XPR1: variants seen among roughly 807,000 people sequenced by gnomAD.
XPR1 encodes solute carrier family 53 member 1.
A neutral mutation model predicts 87.5 loss-of-function variants in XPR1; 28 were observed. That is an observed-to-expected ratio of 0.32 (90% confidence interval 0.24 to 0.44). XPR1 has a LOEUF of 0.44. Ranked by LOEUF, XPR1 falls within the 20% of genes least tolerant of loss-of-function variation. XPR1 has a pLI of 1.00. For synonymous variants in XPR1, 300 were observed against 306.1 expected, an observed-to-expected ratio of 0.98 and a Z score of 0.21; for missense variants, 559 against 862.3, an observed-to-expected ratio of 0.65 and a Z score of 4.41.
intron 12 of XPR1, among the ~76,000 whole-genome samples, chr1:180,866,515 T>C (rs1008532365): frequency 6.9e-6 from 1 of 145,830 alleles, no homozygotes; most frequent in African/African-American, 2.6e-5. Flanking sequence ...TCCACATTTT[T>C]GGTGACACCA....
At chr1:180,825,501 T>C (rs1650797963) in intron 9 of XPR1, among the ~76,000 whole-genome samples, 157 bp downstream of exon 9, 1 of 152,220 alleles carries the variant, frequency 6.6e-6, no homozygotes, top group Admixed American at 6.5e-5. Flanking sequence ...TACTCACGTA[T>C]ATTTTCCTCC....
intron 7 of XPR1, among the ~76,000 whole-genome samples, chr1:180,823,893 A>G (rs1019185851): frequency 2.0e-5 from 3 of 152,350 alleles, no homozygotes; most frequent in Admixed American, 2.0e-4. Flanking sequence ...CAATTATTCT[A>G]TGTAAAAATA....
chr1:180,665,295 C>T lies in XPR1; in HGVS notation c.70-17065C>T, dbSNP rs375854839. Among the ~76,000 whole-genome samples the T allele has an allele frequency of 3.9e-5, 6 of 152,328 alleles. No individual in the cohort carries two copies. In the East Asian group the frequency reaches 7.7e-4, roughly 20 times the overall value. On this transcript the variant is annotated intron_variant, in intron 1 of 14. Coordinates refer to ENST00000367590, the MANE Select transcript of XPR1 (RefSeq NM_004736.4). ...AAAACCGCCGCCGTGATCCAAGTAC[C>T]TCCACCTGGTCCCACCCTTGACATT...
At chr1:180,685,229 A>G (rs1656723122) in intron 2 of XPR1, among the ~76,000 whole-genome samples, 1 of 152,188 alleles carries the variant, frequency 6.6e-6, no homozygotes, top group Non-Finnish European at 1.5e-5. Context: ...CCTTTTCTGC[A>G]TCTATTGAGA....
chr1:180,861,660 G>T (rs1471367217), intron 11 of XPR1, among the ~76,000 whole-genome samples: 1 of 152,038 alleles, frequency 6.6e-6, no homozygotes, highest in Non-Finnish European at 1.5e-5. Context: ...GGCTATTCAT[G>T]AGAATCACAT....
At chr1:180,634,960 T>C (rs1211491553) in intron 1 of XPR1, among the ~76,000 whole-genome samples, 2 of 152,124 alleles carry the variant, frequency 1.3e-5, no homozygotes, top group Non-Finnish European at 2.9e-5. Flanking sequence ...AAAGTAAGTA[T>C]ATAGGGCCAG....
Position 180,693,723 on chromosome 1 carries a change from G to A in XPR1, c.121+11312G>A, listed in dbSNP as rs530959420. ...TTGGCTTGTGGCCACTCCAATCCGT[G>A]CCTCTTTACCTTGTCCTTTGTCTGT... On this transcript the variant is annotated intron_variant, in intron 2 of 14. Transcript: ENST00000367590. Among the ~76,000 whole-genome samples, 3 of 152,198 alleles carry A rather than the reference G, an allele frequency of 2.0e-5. No homozygotes were observed. In the East Asian group the frequency reaches 5.8e-4, roughly 29 times the overall value.
intron 2 of XPR1, among the ~76,000 whole-genome samples, chr1:180,769,859 C>A (rs1203126953): frequency 6.6e-6 from 1 of 152,126 alleles, no homozygotes; most frequent in Non-Finnish European, 1.5e-5. Context: ...CCAAACTGTT[C>A]TCCGTAGTGG....
intron 1 of XPR1, among the ~76,000 whole-genome samples, chr1:180,665,287 C>T (rs1655920165): frequency 6.6e-6 from 1 of 152,196 alleles, no homozygotes; most frequent in African/African-American, 2.4e-5. Flanking sequence ...CCGCCGTGAT[C>T]CAAGTACCTC....
intron 2 of XPR1, among the ~76,000 whole-genome samples, chr1:180,721,574 G>T (rs1010375852): frequency 8.5e-5 from 13 of 152,192 alleles, no homozygotes; most frequent in African/African-American, 3.1e-4. Flanking sequence ...CCTACTATAT[G>T]TAAAACATGT....
At chr1:180,677,777 C>T (rs1315648372) in intron 1 of XPR1, among the ~76,000 whole-genome samples, 2 of 152,148 alleles carry the variant, frequency 1.3e-5, no homozygotes, top group African/African-American at 4.8e-5. Context: ...CTATAAACTA[C>T]GTTCCTCCCA....
intron 2 of XPR1, among the ~76,000 whole-genome samples, chr1:180,757,915 G>A (rs1243973417): frequency 6.7e-6 from 1 of 148,252 alleles, no homozygotes; most frequent in East Asian, 2.0e-4. Context: ...ATACCCCTAT[G>A]GGTTATAGTG....
intron 3 of XPR1, among the ~76,000 whole-genome samples, chr1:180,798,199 G>C (rs1483251124): frequency 1.3e-5 from 2 of 151,810 alleles, no homozygotes; most frequent in Non-Finnish European, 2.9e-5. Context: ...GTAAAGGAGA[G>C]CATGAAAACC....
chr1:180,815,317 T>C (rs1229573281), intron 7 of XPR1, among the ~76,000 whole-genome samples: 3 of 152,224 alleles, frequency 2.0e-5, no homozygotes, highest in African/African-American at 7.2e-5. Context: ...ATGTGTGCTG[T>C]GTATGCATTT....
At chr1:180,856,455 T>A (rs1248030759) in intron 11 of XPR1, among the ~76,000 whole-genome samples, 1 of 152,234 alleles carries the variant, frequency 6.6e-6, no homozygotes, top group African/African-American at 2.4e-5. Flanking sequence ...ACTGTCTGTG[T>A]GACTCCCCAG....
At chr1:180,687,188 G>C (rs1319599470) in intron 2 of XPR1, among the ~76,000 whole-genome samples, 2 of 151,984 alleles carry the variant, frequency 1.3e-5, no homozygotes, top group Non-Finnish European at 2.9e-5. Flanking sequence ...TATTCTGTTT[G>C]TAACAAAGAT....
intron 2 of XPR1, among the ~76,000 whole-genome samples, chr1:180,767,222 A>G (rs1266301288): frequency 1.3e-5 from 2 of 152,226 alleles, no homozygotes; most frequent in Non-Finnish European, 2.9e-5. Context: ...GCTTAAAAGC[A>G]ATATAATCAG....
intron 2 of XPR1, among the ~76,000 whole-genome samples, chr1:180,717,070 A>T (rs761692831): frequency 2.0e-5 from 3 of 152,082 alleles, no homozygotes; most frequent in South Asian, 2.1e-4. Flanking sequence ...TCAGCTCACT[A>T]CAACCTCTGC....
chr1:180,839,055 A>G (rs933493553), intron 11 of XPR1, among the ~76,000 whole-genome samples: 1 of 152,162 alleles, frequency 6.6e-6, no homozygotes, highest in Non-Finnish European at 1.5e-5. Context: ...TATATAAGTA[A>G]ACTCAGAAAT....
Sources: gnomAD v4.1 joint callset for allele counts (sites outside exome capture counted in the v4.1 genomes callset) on GRCh38, gnomAD v4.1.1 for gene constraint, MANE v1.5 for transcripts, NCBI Gene and HGNC (gene_info 2026-07-23, HGNC 2026-07-21) for gene names.